Variants in SELENOT observed in about 807,000 individuals in gnomAD.
SELENOT encodes the protein thioredoxin reductase-like selenoprotein T.
In SELENOT, 9 loss-of-function variants were observed where a neutral mutation model predicts 24.3. That is an observed-to-expected ratio of 0.37 (90% CI 0.22 to 0.65). SELENOT has a LOEUF of 0.65. SELENOT is among the 30% of genes least tolerant of loss of function. The pLI, the probability that SELENOT is intolerant of heterozygous loss-of-function variation, is 0.60. For synonymous variants in SELENOT, 81 were observed against 86.0 expected (o/e 0.94, Z 0.32); for missense variants, 166 against 247.6 (o/e 0.67, Z 2.21).
chr3:150,611,281 T>C, intron 1 of SELENOT: 1 of 1,285,410 alleles, frequency 7.8e-7, no homozygotes, highest in Non-Finnish European at 1.1e-6. Flanking sequence ...ACTATCAACC[T>C]TGAGATCTGA....
intron 1 of SELENOT, chr3:150,618,790 C>G (rs1454607267): frequency 2.0e-5 from 3 of 152,582 alleles, no homozygotes; most frequent in African/African-American, 7.2e-5. Flanking sequence ...TCCCAAAGTG[C>G]TGGGATTACA....
chr3:150,618,496 T>C (rs1404371341), intron 1 of SELENOT, among the ~76,000 whole-genome samples: 1 of 152,166 alleles, frequency 6.6e-6, no homozygotes, highest in East Asian at 1.9e-4. Context: ...GCAAATGTAA[T>C]AGAGAAGGTG....
At chr3:150,611,785 C>T (rs1052114877) in intron 1 of SELENOT, 2 of 1,098,646 alleles carry the variant, frequency 1.8e-6, no homozygotes, top group Non-Finnish European at 2.6e-6. Context: ...CTGCGCCCGG[C>T]CCCTCAGCCC....
At chr3:150,610,372 A>C (rs1479187714) in intron 1 of SELENOT, among the ~76,000 whole-genome samples, 1 of 152,262 alleles carries the variant, frequency 6.6e-6, no homozygotes, top group Admixed American at 6.5e-5. Context: ...CTTCAAATTC[A>C]GGATGGCACT....
chr3:150,618,628 C>A (rs923849490), intron 1 of SELENOT: 1 of 153,882 alleles, frequency 6.5e-6, no homozygotes, highest in African/African-American at 2.4e-5. Context: ...CTCAAATGAT[C>A]CTCCCACCTC....
chr3:150,620,148 A>G (rs955063723), intron 1 of SELENOT, among the ~76,000 whole-genome samples: 2 of 152,192 alleles, frequency 1.3e-5, no homozygotes, highest in African/African-American at 2.4e-5. Context: ...GTGGGTAACT[A>G]TAGGGGGAAT....
chr3:150,604,965 A>ATT (rs1725926165), intron 1 of SELENOT, among the ~76,000 whole-genome samples: 2 of 150,658 alleles, frequency 1.3e-5, no homozygotes, highest in Middle Eastern at 3.4e-3. Flanking sequence ...TGAACCCGGG[A>ATT]AGCGGAGGTT....
chr3:150,622,536 G>T (rs750836000), intron 2 of SELENOT, 41 bp downstream of exon 2: 1 of 995,830 alleles, frequency 1.0e-6, no homozygotes, highest in South Asian at 2.0e-5. Context: ...CAATGTATTT[G>T]ACTTTATAAG....
intron 1 of SELENOT, among the ~76,000 whole-genome samples, chr3:150,607,634 CTAGT>C (rs1725994987): frequency 6.6e-6 from 1 of 152,124 alleles, no homozygotes; most frequent in Non-Finnish European, 1.5e-5. Flanking sequence ...TGAGAGATGC[CTAGT>C]CGGGATCAGG....
intron 1 of SELENOT, among the ~76,000 whole-genome samples, chr3:150,620,152 G>A (rs773182439): frequency 6.6e-6 from 1 of 152,106 alleles, no homozygotes; most frequent in Non-Finnish European, 1.5e-5. Flanking sequence ...GTAACTATAG[G>A]GGGAATCTGA....
chr3:150,611,783 G>A (rs923564367), intron 1 of SELENOT: 32 of 1,134,916 alleles, frequency 2.8e-5, no homozygotes, highest in Non-Finnish European at 4.1e-5. Flanking sequence ...CCCTGCGCCC[G>A]GCCCCTCAGC....
At chr3:150,613,395 A>G (rs1407725800) in intron 1 of SELENOT, among the ~76,000 whole-genome samples, 2 of 152,222 alleles carry the variant, frequency 1.3e-5, no homozygotes, top group African/African-American at 2.4e-5. Context: ...TTAAAATTTT[A>G]AATCACTGTT....
intron 1 of SELENOT, among the ~76,000 whole-genome samples, chr3:150,617,076 TGTG>T (rs1385346145): frequency 6.6e-6 from 1 of 152,234 alleles, no homozygotes; most frequent in Non-Finnish European, 1.5e-5. Flanking sequence ...GCTATGGGCA[TGTG>T]GTGGTAAGCC....
chr3:150,615,775 C>A (rs1233630666), intron 1 of SELENOT, among the ~76,000 whole-genome samples: 7 of 152,030 alleles, frequency 4.6e-5, no homozygotes, highest in African/African-American at 1.4e-4. Flanking sequence ...CCATACTGCC[C>A]AAGGTAATTT....
intron 3 of SELENOT, among the ~76,000 whole-genome samples, chr3:150,623,980 C>A (rs1008711311): frequency 7.2e-5 from 11 of 152,102 alleles, no homozygotes; most frequent in Admixed American, 2.0e-4. Context: ...TCCTGCATAG[C>A]TGTGCTTCTT....
At chr3:150,624,968 C>A in intron 4 of SELENOT, 69 bp downstream of exon 4, 1 of 748,220 alleles carries the variant, frequency 1.3e-6, no homozygotes, top group Non-Finnish European at 2.0e-6. Context: ...AAGCTTTTAT[C>A]TTTTATAATA....
intron 1 of SELENOT, among the ~76,000 whole-genome samples, chr3:150,613,220 C>T (rs879932167): frequency 2.0e-5 from 3 of 152,178 alleles, no homozygotes; most frequent in Admixed American, 6.5e-5. Flanking sequence ...CTTGCTGAGT[C>T]AGCTCATGGT....
At chr3:150,615,291 G>C (rs1335506116) in intron 1 of SELENOT, among the ~76,000 whole-genome samples, 2 of 151,822 alleles carry the variant, frequency 1.3e-5, no homozygotes, top group African/African-American at 4.8e-5. Context: ...TTGGTTCCAA[G>C]TCTTTGCTAT....
rs573703406 is a variant in SELENOT at position 150,620,720 on chromosome 3, TTAGA to T, written c.138-1662_138-1659del. Among the ~76,000 whole-genome samples, 241 of 152,344 alleles carry T rather than the reference TTAGA, an allele frequency of 1.6e-3. 2 individuals carry two copies. The highest frequency in any genetic ancestry group is 2.6e-3 in the Admixed American group (40 of 15,304). ...TAAAAGTTAGAAAGATACAATTATT[TTAGA>T]TAATCAACTCCATTGTAAACACCAG... On this transcript the variant is annotated intron_variant, in intron 1 of 5. Coordinates refer to ENST00000471696, the MANE Select transcript of SELENOT (RefSeq NM_016275.5).
Sources: gnomAD v4.1 joint callset for allele counts (sites outside exome capture counted in the v4.1 genomes callset) on GRCh38, gnomAD v4.1.1 for gene constraint, MANE v1.5 for transcripts, NCBI Gene and HGNC (gene_info 2026-07-23, HGNC 2026-07-21) for gene names.